CWC27: variants seen among roughly 807,000 people sequenced by gnomAD.
CWC27 encodes spliceosome-associated protein CWC27 homolog.
A neutral mutation model predicts 63.6 loss-of-function variants in CWC27; 47 were observed. That is an observed-to-expected ratio of 0.74 (90% confidence interval 0.58 to 0.94). The LOEUF (loss-of-function observed/expected upper bound fraction) is 0.94, where lower values mean the gene tolerates loss of function less well. CWC27 is among the 40% of genes least tolerant of loss of function. The probability of loss-of-function intolerance (pLI) is 0.00; values close to 1 mark genes in which losing one functional copy is unlikely to be tolerated. For missense variants in CWC27, 495 were observed against 554.3 expected (o/e 0.89, Z 1.07); for synonymous variants, 175 against 179.8 (o/e 0.97, Z 0.22).
At chr5:64,916,046 G>A (rs973957496) in intron 11 of CWC27, among the ~76,000 whole-genome samples, 6 of 152,272 alleles carry the variant, frequency 3.9e-5, no homozygotes, top group African/African-American at 1.4e-4. Context: ...AAAGAGCAAA[G>A]CTCAAGTACC....
intron 3 of CWC27, among the ~76,000 whole-genome samples, chr5:64,782,430 A>G (rs1329480787): frequency 7.7e-6 from 1 of 129,452 alleles, no homozygotes; most frequent in East Asian, 2.3e-4. Flanking sequence ...CCTGGGCGAC[A>G]GAGCGAGACT....
chr5:64,784,052 A>G (rs1354016678), intron 4 of CWC27, 73 bp downstream of exon 4: 2 of 1,289,546 alleles, frequency 1.6e-6, no homozygotes, highest in African/African-American at 1.5e-5. Context: ...TCTAAGATAC[A>G]TATGATTAAC....
chr5:64,931,781 A>G (rs933099509), intron 11 of CWC27, among the ~76,000 whole-genome samples: 7 of 152,092 alleles, frequency 4.6e-5, no homozygotes, highest in Non-Finnish European at 4.4e-5. Context: ...ATCAAATGGT[A>G]TGTATCCAAT....
chr5:64,885,688 C>A, intron 11 of CWC27, 142 bp downstream of exon 11: 1 of 389,760 alleles, frequency 2.6e-6, no homozygotes, highest in East Asian at 6.0e-5. Flanking sequence ...TTCCCTCCCT[C>A]TTGAGTTAGG....
chr5:64,977,609 T>G (rs1279792855), intron 13 of CWC27, among the ~76,000 whole-genome samples: 1 of 152,168 alleles, frequency 6.6e-6, no homozygotes, highest in Non-Finnish European at 1.5e-5. Flanking sequence ...TTTCTCACAT[T>G]TTCCCACAAA....
In CWC27 at chr5:64,862,480, C is replaced by T. The variant is rs1266810780; in HGVS notation, c.939-22963C>T. 9.2e-5 allele frequency among the ~76,000 whole-genome samples: 14 copies of T among 152,026 alleles called. 1 individual carries two copies. The highest frequency in any genetic ancestry group is 9.2e-4 in the Admixed American group (14 of 15,254). The stretch of plus-strand genomic sequence containing the variant: ...AATACTTCAACACAGAAATAAATTA[C>T]AGAAGTCATGTTTTACCACTAAAAA... On this transcript the variant is annotated intron_variant, in intron 10 of 13. Transcript: ENST00000381070.
At chr5:64,975,631 T>C (rs1340886238) in intron 12 of CWC27, among the ~76,000 whole-genome samples, 1 of 151,986 alleles carries the variant, frequency 6.6e-6, no homozygotes, top group Non-Finnish European at 1.5e-5. Context: ...ACAGAGAGCA[T>C]AGGAGCCAAA....
At chr5:64,779,089 A>T (rs1257434507) in intron 2 of CWC27, among the ~76,000 whole-genome samples, 3 of 152,220 alleles carry the variant, frequency 2.0e-5, no homozygotes, top group Non-Finnish European at 2.9e-5. Context: ...CCCACAGTAG[A>T]TACTTGATAA....
intron 13 of CWC27, among the ~76,000 whole-genome samples, chr5:65,008,908 T>A (rs956119802): frequency 2.0e-5 from 3 of 152,166 alleles, no homozygotes; most frequent in Non-Finnish European, 4.4e-5. Flanking sequence ...TATATGTGTA[T>A]GATGATGTAC....
At chr5:64,864,593 A>G (rs1029067725) in intron 10 of CWC27, among the ~76,000 whole-genome samples, 9 of 152,136 alleles carry the variant, frequency 5.9e-5, no homozygotes, top group Non-Finnish European at 1.2e-4. Context: ...ACCTACCCAT[A>G]TGTTAATATG....
At chr5:65,009,900 T>G (rs1332985358) in intron 13 of CWC27, among the ~76,000 whole-genome samples, 1 of 152,280 alleles carries the variant, frequency 6.6e-6, no homozygotes, top group Non-Finnish European at 1.5e-5. Context: ...ATGTTTGGAT[T>G]GCACTTTGCC....
At chr5:64,880,121 T>C (rs538363876) in intron 10 of CWC27, among the ~76,000 whole-genome samples, 2 of 152,138 alleles carry the variant, frequency 1.3e-5, no homozygotes, top group South Asian at 4.1e-4. Context: ...CCATCTCTTA[T>C]TTGTCCTGCA....
intron 11 of CWC27, among the ~76,000 whole-genome samples, chr5:64,898,661 G>A (rs1663239050): frequency 6.6e-6 from 1 of 152,092 alleles, no homozygotes; most frequent in Non-Finnish European, 1.5e-5. Context: ...AAAAAAGAAA[G>A]AGGGAGAGAG....
At chr5:64,888,266 C>A (rs1747123897) in intron 11 of CWC27, among the ~76,000 whole-genome samples, 1 of 146,968 alleles carries the variant, frequency 6.8e-6, no homozygotes, top group African/African-American at 2.5e-5. Flanking sequence ...ATAATAGTTT[C>A]ATATAATTAA....
intron 10 of CWC27, among the ~76,000 whole-genome samples, chr5:64,862,224 A>G (rs1235993553): frequency 6.6e-6 from 1 of 152,170 alleles, no homozygotes; most frequent in African/African-American, 2.4e-5. Context: ...CAATGTAACT[A>G]CTAGGAATCT....
rs1372321985 is a variant in CWC27, at chr5:64,774,755, C to T, written c.107C>T (p.Ala36Val). The change falls in exon 2 of 14, where the codon GCT (alanine) becomes GTT (valine). Residue 36 changes from alanine to valine, a missense_variant. By Grantham distance (64) the Ala-to-Val change is moderately conservative. Coordinates refer to ENST00000381070, the MANE Select transcript of CWC27 (RefSeq NM_005869.4). ...TTGTGGTCCAAAGAAGCTCCTAAAG[C>T]TTGCAGAAATTTTATCCAACTTTGT... Reference protein sequence around the residue: ...IELWSKEAPKACRNFIQLCLE... With the variant: ...IELWSKEAPKVCRNFIQLCLE... 1 of 1,605,654 alleles carries T rather than the reference C, an allele frequency of 6.2e-7. No homozygotes were observed. The highest frequency in any genetic ancestry group is 8.5e-7 in the Non-Finnish European group (1 of 1,176,458).
At chr5:64,989,455 G>T (rs1749495242) in intron 13 of CWC27, among the ~76,000 whole-genome samples, 1 of 152,212 alleles carries the variant, frequency 6.6e-6, no homozygotes, top group Non-Finnish European at 1.5e-5. Context: ...TTTCTTAATA[G>T]TTGGCAATGA....
At chr5:64,863,296 G>A (rs1425203401) in intron 10 of CWC27, among the ~76,000 whole-genome samples, 1 of 152,062 alleles carries the variant, frequency 6.6e-6, no homozygotes, top group Non-Finnish European at 1.5e-5. Context: ...TGTGATGGGC[G>A]ACACTGCTTA....
chr5:64,835,208 T>C (rs933062275), intron 10 of CWC27, among the ~76,000 whole-genome samples: 1 of 151,866 alleles, frequency 6.6e-6, no homozygotes, highest in Non-Finnish European at 1.5e-5. Context: ...TTATTCACTG[T>C]GCATTAACAT....
Sources: allele counts gnomAD v4.1 joint callset (sites outside exome capture counted in the v4.1 genomes callset), GRCh38; gene constraint gnomAD v4.1.1; transcripts MANE v1.5; gene names NCBI Gene and HGNC (gene_info 2026-07-23, HGNC 2026-07-21).